Variants in ANKAR observed in about 807,000 individuals in gnomAD.
ANKAR encodes the protein ankyrin and armadillo repeat-containing protein.
A neutral mutation model predicts 146.2 loss-of-function variants in ANKAR; 136 were observed. The observed-to-expected ratio is 0.93, with a 90% CI of 0.81 to 1.07. The LOEUF (loss-of-function observed/expected upper bound fraction) is 1.07, where lower values mean the gene tolerates loss of function less well. ANKAR is among the 50% of genes least tolerant of loss of function. The probability of loss-of-function intolerance (pLI) is 0.00; values close to 1 mark genes in which losing one functional copy is unlikely to be tolerated. For synonymous variants in ANKAR, 500 were observed against 575.8 expected (o/e 0.87, Z 1.88); for missense variants, 1,567 against 1,679.9 (o/e 0.93, Z 1.18).
intron 20 of ANKAR, among the ~76,000 whole-genome samples, chr2:189,742,171 G>A (rs2043399509): frequency 6.6e-6 from 1 of 152,118 alleles, no homozygotes; most frequent in Admixed American, 6.6e-5. Context: ...CTGTTATATT[G>A]CTTGGCCCCA....
chr2:189,702,136 C>T (rs1443905488), intron 7 of ANKAR, among the ~76,000 whole-genome samples: 2 of 152,088 alleles, frequency 1.3e-5, no homozygotes, highest in African/African-American at 4.8e-5. Flanking sequence ...GATAAAACCC[C>T]AGCAGGTTAG....
chr2:189,689,259 A>G (rs1317939816), intron 2 of ANKAR, among the ~76,000 whole-genome samples: 1 of 152,190 alleles, frequency 6.6e-6, no homozygotes, highest in Non-Finnish European at 1.5e-5. Context: ...GGAAAGGGGT[A>G]TAATGAGGTA....
At chr2:189,705,775 A>G (rs1237195691) in intron 8 of ANKAR, among the ~76,000 whole-genome samples, 40 of 152,050 alleles carry the variant, frequency 2.6e-4, no homozygotes, top group Non-Finnish European at 4.4e-5. Flanking sequence ...AATCCCAACA[A>G]TCTTTTGTTT....
chr2:189,755,540 G>A (rs2045948906), intron 18 of ANKAR: 1 of 1,597,870 alleles, frequency 6.3e-7, no homozygotes, highest in Non-Finnish European at 8.5e-7. Flanking sequence ...TTGAGCTGCT[G>A]GAGGAACAAT....
At chr2:189,718,359 G>GACACAC (rs66795152) in intron 10 of ANKAR, among the ~76,000 whole-genome samples, 4 of 151,166 alleles carry the variant, frequency 2.6e-5, no homozygotes, top group Middle Eastern at 3.4e-3. Context: ...TCTACACACA[G>GACACAC]ACACACACAC....
intron 6 of ANKAR, 49 bp from the exon 7 acceptor site, chr2:189,696,101 A>G (rs1178790426): frequency 9.5e-6 from 15 of 1,574,914 alleles, no homozygotes; most frequent in African/African-American, 1.4e-5. Context: ...TCCTTAAACC[A>G]AACTTTAGGT....
intron 21 of ANKAR, among the ~76,000 whole-genome samples, chr2:189,744,347 G>T (rs943885013): frequency 1.5e-4 from 23 of 152,142 alleles, no homozygotes; most frequent in Non-Finnish European, 1.5e-5. Context: ...AATTTTCATT[G>T]GTTCAAGGAA....
intron 15 of ANKAR, among the ~76,000 whole-genome samples, chr2:189,729,944 G>T (rs901826512): frequency 6.0e-5 from 9 of 151,206 alleles, no homozygotes; most frequent in Admixed American, 5.9e-4. Flanking sequence ...TCACTAGAAA[G>T]AAATGAGTTT....
chr2:189,744,902 A>T, intron 22 of ANKAR, 114 bp downstream of exon 22: 1 of 761,600 alleles, frequency 1.3e-6, no homozygotes, highest in Non-Finnish European at 2.1e-6. Context: ...TCATGCCTGT[A>T]ATCCCAGCAC....
chr2:189,707,764 C>T (rs898947250), intron 9 of ANKAR, among the ~76,000 whole-genome samples: 1 of 151,850 alleles, frequency 6.6e-6, no homozygotes, highest in African/African-American at 2.4e-5. Context: ...ATACCACCAG[C>T]AGAAGACAAG....
intron 7 of ANKAR, 68 bp downstream of exon 7, chr2:189,696,437 C>T (rs1574441840): frequency 9.6e-6 from 14 of 1,461,070 alleles, no homozygotes; most frequent in South Asian, 1.3e-5. Flanking sequence ...TAGGAATGCA[C>T]GTTGATTTTA....
chr2:189,689,533 C>A lies in ANKAR; in HGVS notation c.608C>A (p.Thr203Asn), dbSNP rs780345040. 1 of 1,565,866 alleles carries A rather than the reference C, an allele frequency of 6.4e-7. No individual in the cohort carries two copies. Among genetic ancestry groups the A allele is most frequent in the South Asian group, 1.2e-5 (1 of 83,054 alleles). Residue 203 changes from threonine (T) to asparagine (N), a missense_variant, in exon 3 of 23, where the codon ACT becomes AAT. Transcript: ENST00000684021. ...TTCCTTTTTTATCATGAAGGTTTGACTGATATTACAAAGGATCCAGACTTT... is the reference window on the plus strand; with the variant it reads ...TTCCTTTTTTATCATGAAGGTTTGAATGATATTACAAAGGATCCAGACTTT... ...IFSEFSSAGLTDITKDPDFNE... is the reference protein window; with the variant it reads ...IFSEFSSAGLNDITKDPDFNE...
chr2:189,710,533 C>G (rs112367811), intron 9 of ANKAR, among the ~76,000 whole-genome samples: 1 of 152,204 alleles, frequency 6.6e-6, no homozygotes, highest in African/African-American at 2.4e-5. Context: ...GGCACAGTGG[C>G]TCATGCCTGT....
At chr2:189,761,593 T>A, downstream of ANKAR, 1 of 1,609,084 alleles carries the variant, frequency 6.2e-7, no homozygotes, top group Non-Finnish European at 8.5e-7. Context: ...AAACTTTCCT[T>A]TTTGATGGTT....
chr2:189,728,357 C>T lies in ANKAR; in HGVS notation c.2968C>T (p.Gln990Ter). 1 of 1,613,112 alleles carries T rather than the reference C, an allele frequency of 6.2e-7. No individual in the cohort carries two copies. The highest frequency in any genetic ancestry group is 8.5e-7 in the Non-Finnish European group (1 of 1,179,684). ...AAAACAACAAAAATATATGGCAGAA[C>T]AAATTGGATACAGCTTTATAATAAA... ...TLKQQKYMAEQIGYSFIINML... is the reference protein window; with the variant it reads ...TLKQQKYMAE The change falls in exon 14 of 23, where the codon CAA becomes TAA. Residue 990 changes from glutamine to a stop codon, truncating the protein, a stop_gained. Coordinates refer to ENST00000684021, the MANE Select transcript of ANKAR (RefSeq NM_001378068.1). LOFTEE classifies it high-confidence loss of function.
At chr2:189,687,438 C>T (rs1246088840) in intron 2 of ANKAR, among the ~76,000 whole-genome samples, 1 of 152,048 alleles carries the variant, frequency 6.6e-6, no homozygotes, top group Non-Finnish European at 1.5e-5. Context: ...GTGCAGATAC[C>T]CTTTGATATT....
intron 2 of ANKAR, among the ~76,000 whole-genome samples, chr2:189,679,164 G>GTATTT (rs2034240600): frequency 6.6e-6 from 1 of 152,052 alleles, no homozygotes; most frequent in South Asian, 2.1e-4. Context: ...ATATTCCTAA[G>GTATTT]TATTTTATTT....
rs757546276 is a variant in ANKAR, at chr2:189,675,765, C to T, written c.-35-691C>T. On this transcript the variant is annotated intron_variant, in intron 1 of 22. Transcript: ENST00000684021. ...CAAATCTCATGTTAAAATAGATTCCCCAATGTTGGAGGTAGGGCTTGGTGC... is the reference window on the plus strand; with the variant it reads ...CAAATCTCATGTTAAAATAGATTCCTCAATGTTGGAGGTAGGGCTTGGTGC... 5.9e-4 allele frequency among the ~76,000 whole-genome samples: 90 copies of T among 152,224 alleles called. 1 individual carries two copies. The highest frequency in any genetic ancestry group is 1.0e-3 in the Non-Finnish European group (71 of 68,006).
At chr2:189,695,779 T>G (rs2105567066) in intron 6 of ANKAR, among the ~76,000 whole-genome samples, 1 of 152,344 alleles carries the variant, frequency 6.6e-6, no homozygotes, top group East Asian at 1.9e-4. Context: ...CTAAAGAGGG[T>G]GACATTTTTA....
Sources: allele counts gnomAD v4.1 joint callset (sites outside exome capture counted in the v4.1 genomes callset), GRCh38; gene constraint gnomAD v4.1.1; transcripts MANE v1.5; gene names NCBI Gene and HGNC (gene_info 2026-07-23, HGNC 2026-07-21).